Variants in PTPRG observed in about 807,000 individuals in gnomAD.
PTPRG encodes the protein protein tyrosine phosphatase receptor type G.
Under a neutral mutation model 165.3 loss-of-function variants are expected in PTPRG, and 102 were observed. That is an observed-to-expected ratio of 0.62 (90% CI 0.53 to 0.73). PTPRG has a LOEUF of 0.73. PTPRG is among the 30% of genes least tolerant of loss of function. The pLI, the probability that PTPRG is intolerant of heterozygous loss-of-function variation, is 0.00. For synonymous variants in PTPRG, 675 were observed against 669.5 expected, an observed-to-expected ratio of 1.01 and a Z score of -0.13; for missense variants, 1,866 against 1,861.4, an observed-to-expected ratio of 1.00 and a Z score of -0.05.
chr3:61,563,051 C>T (rs762274880), intron 1 of PTPRG, among the ~76,000 whole-genome samples: 3 of 151,920 alleles, frequency 2.0e-5, no homozygotes, highest in Non-Finnish European at 4.4e-5. Context: ...TCGGAGAGAT[C>T]CGTGTCTCCC....
intron 5 of PTPRG, among the ~76,000 whole-genome samples, chr3:62,090,519 A>G (rs1701893269): frequency 6.6e-6 from 1 of 152,166 alleles, no homozygotes; most frequent in Non-Finnish European, 1.5e-5. Flanking sequence ...GTCAGACCAA[A>G]GTTTTGTGGT....
chr3:61,574,584 A>G (rs964117120), intron 1 of PTPRG, among the ~76,000 whole-genome samples: 5 of 152,162 alleles, frequency 3.3e-5, no homozygotes, highest in Non-Finnish European at 5.9e-5. Flanking sequence ...CAGTCAGTCA[A>G]TTTGGGCAGA....
At chr3:62,189,530 G>C (rs987155500) in intron 8 of PTPRG, among the ~76,000 whole-genome samples, 1 of 152,110 alleles carries the variant, frequency 6.6e-6, no homozygotes, top group Non-Finnish European at 1.5e-5. Context: ...CTTCTTACCC[G>C]GTTCCTGCAC....
intron 2 of PTPRG, among the ~76,000 whole-genome samples, chr3:61,980,828 G>C (rs2040622557): frequency 6.6e-6 from 1 of 152,102 alleles, no homozygotes. Flanking sequence ...TTGGCCTTCA[G>C]CTGCTTCCCT....
intron 5 of PTPRG, among the ~76,000 whole-genome samples, 162 bp downstream of exon 5, chr3:62,078,420 G>A (rs1019288018): frequency 6.6e-6 from 1 of 152,256 alleles, no homozygotes. Flanking sequence ...ATGTAAATAA[G>A]TATGTTTAGA....
chr3:61,742,450 G>A (rs1164304472), intron 1 of PTPRG: 7 of 622,394 alleles, frequency 1.1e-5, no homozygotes, highest in South Asian at 7.2e-5. Flanking sequence ...TTATTCAAAT[G>A]TGCCTTAATA....
intron 2 of PTPRG, among the ~76,000 whole-genome samples, chr3:61,857,729 A>G (rs747379145): frequency 7.9e-5 from 12 of 152,214 alleles, no homozygotes; most frequent in Admixed American, 3.3e-4. Flanking sequence ...TTTTATTAGT[A>G]TGCTGATGTT....
chr3:61,690,750 GTATT>G (rs932258360), intron 1 of PTPRG, among the ~76,000 whole-genome samples: 2 of 152,066 alleles, frequency 1.3e-5, no homozygotes, highest in African/African-American at 2.4e-5. Context: ...GCCCTTCAAA[GTATT>G]TAGCCAGAAA....
At chr3:61,883,702 T>A (rs1000877904) in intron 2 of PTPRG, among the ~76,000 whole-genome samples, 2 of 152,108 alleles carry the variant, frequency 1.3e-5, no homozygotes, top group African/African-American at 4.8e-5. Context: ...TCAAAGTCGC[T>A]CTTTTTTTGG....
chr3:61,944,602 C>A (rs906868821), intron 2 of PTPRG, among the ~76,000 whole-genome samples: 11 of 152,128 alleles, frequency 7.2e-5, no homozygotes, highest in African/African-American at 2.7e-4. Flanking sequence ...ACATGATAAT[C>A]TGTTTGTGAG....
chr3:61,615,951 T>C (rs955775078), intron 1 of PTPRG, among the ~76,000 whole-genome samples: 1 of 152,112 alleles, frequency 6.6e-6, no homozygotes, highest in African/African-American at 2.4e-5. Flanking sequence ...TATTTACTTA[T>C]TTGTTTGTTT....
rs77869384 is a variant in PTPRG at position 61,944,297 on chromosome 3, T to G, written c.191-45328T>G. On this transcript the variant is annotated intron_variant, in intron 2 of 29. Transcript: ENST00000474889. The stretch of plus-strand genomic sequence containing the variant: ...GCCACTGAGTTGTTGGATGTACAGT[T>G]TTCACATATTGATGTCCCTGTGATC... Among the ~76,000 whole-genome samples, 1,065 of 152,318 alleles carry G rather than the reference T, an allele frequency of 7.0e-3. 10 individuals carry two copies. The highest frequency in any genetic ancestry group is 0.024 in the African/African-American group (1,004 of 41,578).
At chr3:62,051,834 A>T (rs751271911) in intron 4 of PTPRG, among the ~76,000 whole-genome samples, 11 of 152,204 alleles carry the variant, frequency 7.2e-5, no homozygotes, top group African/African-American at 2.7e-4. Context: ...TTTGGCAGGT[A>T]TTCAATGGAA....
intron 8 of PTPRG, among the ~76,000 whole-genome samples, chr3:62,171,306 T>C (rs1705207163): frequency 6.6e-6 from 1 of 152,152 alleles, no homozygotes; most frequent in African/African-American, 2.4e-5. Context: ...GTACACATAT[T>C]TTCAGGTTTG....
At chr3:61,920,127 C>T (rs1234410572) in intron 2 of PTPRG, among the ~76,000 whole-genome samples, 1 of 152,200 alleles carries the variant, frequency 6.6e-6, no homozygotes, top group African/African-American at 2.4e-5. Context: ...CATGCCTGCA[C>T]TCGTCCCCAC....
At chr3:61,702,245 C>T (rs994687318) in intron 1 of PTPRG, among the ~76,000 whole-genome samples, 2 of 152,112 alleles carry the variant, frequency 1.3e-5, no homozygotes, top group Admixed American at 6.5e-5. Flanking sequence ...TCCCAAAGTG[C>T]TGGGATTACA....
At chr3:61,709,086 T>G (rs184433151) in intron 1 of PTPRG, among the ~76,000 whole-genome samples, 15 of 152,330 alleles carry the variant, frequency 9.8e-5, no homozygotes, top group African/African-American at 3.4e-4. Context: ...TTTAATCCTT[T>G]TTGTGTTTCA....
intron 1 of PTPRG, among the ~76,000 whole-genome samples, chr3:61,600,217 T>TGTGTGTGTGTGTGA (rs71629134): frequency 6.8e-6 from 1 of 147,962 alleles, no homozygotes; most frequent in Non-Finnish European, 1.5e-5. Flanking sequence ...TGTGTGTGTG[T>TGTGTGTGTGTGTGA]AAAATAGAAT....
chr3:61,732,831 A>C (rs2032567561), intron 1 of PTPRG, among the ~76,000 whole-genome samples: 2 of 152,236 alleles, frequency 1.3e-5, no homozygotes. Flanking sequence ...CCCACTGCTC[A>C]GTTAAAATGT....
Sources: gnomAD v4.1 joint callset for allele counts (sites outside exome capture counted in the v4.1 genomes callset) on GRCh38, gnomAD v4.1.1 for gene constraint, MANE v1.5 for transcripts, NCBI Gene and HGNC (gene_info 2026-07-23, HGNC 2026-07-21) for gene names.